The following HNF4G variants were observed in gnomAD, a reference collection of about 807,000 sequenced individuals.
The protein encoded by HNF4G is hepatocyte nuclear factor 4 gamma, also known as hepatocyte nuclear factor 4-gamma.
In HNF4G, 21 loss-of-function variants were observed where a neutral mutation model predicts 50.9. The ratio of observed to expected loss-of-function variants is 0.41; its 90% CI spans 0.29 to 0.59. The LOEUF (loss-of-function observed/expected upper bound fraction) is 0.59. Among genes scored for constraint, HNF4G ranks in the 20% least tolerant of loss-of-function variants. HNF4G has a pLI of 0.26. For missense variants in HNF4G, 527 were observed against 559.4 expected (o/e 0.94, Z 0.58); for synonymous variants, 198 against 185.6 (o/e 1.07, Z -0.54).
rs527954913 is a variant in HNF4G, at chr8:75,449,941, T to C, written c.-143-40148T>C. On this transcript the variant is annotated intron_variant, in intron 1 of 10. Coordinates refer to the HNF4G transcript ENST00000354370. ...ATTGTTACTAACTATAGCCCCCCGA[T>C]GTATGTATATTCTTCCTGTGTAACT... 4.6e-5 allele frequency among the ~76,000 whole-genome samples: 7 copies of C among 152,320 alleles called. No homozygotes were observed. The South Asian group carries it at 1.4e-3, about 32-fold the overall frequency.
At chr8:75,561,890 A>G (rs1239336736) in intron 9 of HNF4G, among the ~76,000 whole-genome samples, 1 of 152,140 alleles carries the variant, frequency 6.6e-6, no homozygotes, top group Non-Finnish European at 1.5e-5. Context: ...CTTTCATGCT[A>G]ATTCTATTTT....
chr8:75,453,810 A>C (rs1811648643), intron 1 of HNF4G, among the ~76,000 whole-genome samples: 1 of 152,174 alleles, frequency 6.6e-6, no homozygotes, highest in Admixed American at 6.5e-5. Flanking sequence ...TTGTAAAATA[A>C]CTAAAAATAA....
chr8:75,552,278 C>T (rs1291112541), intron 4 of HNF4G, among the ~76,000 whole-genome samples: 2 of 151,848 alleles, frequency 1.3e-5, no homozygotes, highest in Non-Finnish European at 2.9e-5. Flanking sequence ...GCTTGATGGG[C>T]AATAAAGCTT....
In HNF4G at chr8:75,486,668, G is replaced by C. The variant is rs576948187; in HGVS notation, c.-143-3421G>C. Among the ~76,000 whole-genome samples, 9 of 152,260 alleles carry C rather than the reference G, an allele frequency of 5.9e-5. No homozygotes were observed. The East Asian group carries it at 9.7e-4, about 16-fold the overall frequency. On this transcript the variant is annotated intron_variant, in intron 1 of 10. Coordinates refer to the HNF4G transcript ENST00000354370. ...CAAACAAAAATTTTCTATGCTGAAA[G>C]TTTATAGTTGATTTTGGAATTTCAC...
chr8:75,497,905 T>C (rs1248041228), intron 2 of HNF4G, among the ~76,000 whole-genome samples: 1 of 152,058 alleles, frequency 6.6e-6, no homozygotes, highest in African/African-American at 2.4e-5. Context: ...TACACAAAAT[T>C]AATTGGAATA....
chr8:75,451,108 A>G (rs1169082339), intron 1 of HNF4G, among the ~76,000 whole-genome samples: 1 of 151,656 alleles, frequency 6.6e-6, no homozygotes, highest in Non-Finnish European at 1.5e-5. Context: ...TTTTTCATAT[A>G]CTCCATTGGC....
intron 1 of HNF4G, among the ~76,000 whole-genome samples, chr8:75,472,616 T>C (rs565480819): frequency 6.6e-6 from 1 of 152,330 alleles, no homozygotes; most frequent in East Asian, 1.9e-4. Flanking sequence ...TCTTGAAAGA[T>C]GTTACAGTCT....
intron 1 of HNF4G, among the ~76,000 whole-genome samples, chr8:75,419,400 C>T (rs1226705249): frequency 6.6e-6 from 1 of 152,184 alleles, no homozygotes; most frequent in African/African-American, 2.4e-5. Context: ...CCAGAGGCTA[C>T]TAAACTGGGT....
rs114487759 is a variant in HNF4G at position 75,437,537 on chromosome 8, T to A, written c.-144+29375T>A. ...TCTAGGACAAAGGAAGAATGTTTTT[T>A]AAAATTTCCAGTCTTTTATAAAATG... On this transcript the variant is annotated intron_variant, in intron 1 of 10. Transcript: ENST00000354370. 7.4e-3 allele frequency among the ~76,000 whole-genome samples: 1,131 copies of A among 152,268 alleles called. 14 individuals carry two copies. The highest frequency in any genetic ancestry group is 0.026 in the African/African-American group (1,063 of 41,566).
chr8:75,526,193 A>C (rs1252448982), intron 2 of HNF4G, among the ~76,000 whole-genome samples: 2 of 151,714 alleles, frequency 1.3e-5, no homozygotes, highest in Non-Finnish European at 2.9e-5. Context: ...CAGTGATATG[A>C]TCATGGCTCA....
intron 2 of HNF4G, among the ~76,000 whole-genome samples, chr8:75,509,122 A>G (rs1484568621): frequency 6.6e-6 from 1 of 152,168 alleles, no homozygotes; most frequent in Non-Finnish European, 1.5e-5. Flanking sequence ...TGAGGTCTGT[A>G]AGGAGAGAAA....
At chr8:75,546,051 C>A (rs573742854) in intron 2 of HNF4G, among the ~76,000 whole-genome samples, 1 of 151,758 alleles carries the variant, frequency 6.6e-6, no homozygotes, top group Non-Finnish European at 1.5e-5. Flanking sequence ...AAGTGGACAC[C>A]GATAGTTTTT....
At chr8:75,507,261 CT>C (rs34235931) in intron 2 of HNF4G, among the ~76,000 whole-genome samples, 37,860 of 136,542 alleles carry the variant, frequency 0.28, 4,408 homozygotes, top group Middle Eastern at 0.43. Context: ...TTTTAAAATT[CT>C]TTTTTTTTTT....
At chr8:75,511,601 A>T (rs535930053) in intron 2 of HNF4G, among the ~76,000 whole-genome samples, 28 of 152,072 alleles carry the variant, frequency 1.8e-4, no homozygotes, top group African/African-American at 5.1e-4. Flanking sequence ...TTATTTATTT[A>T]TTTTTTTTGA....
chr8:75,548,281 G>A (rs1026497230), intron 3 of HNF4G, among the ~76,000 whole-genome samples: 4 of 152,062 alleles, frequency 2.6e-5, no homozygotes, highest in African/African-American at 9.7e-5. Context: ...CACCACACCT[G>A]ACACAAATGT....
chr8:75,484,647 C>G (rs1234400347), intron 1 of HNF4G, among the ~76,000 whole-genome samples: 1 of 152,220 alleles, frequency 6.6e-6, no homozygotes, highest in Non-Finnish European at 1.5e-5. Context: ...TAATTAATCA[C>G]CTTGTGGTAT....
intron 2 of HNF4G, among the ~76,000 whole-genome samples, chr8:75,533,019 G>T (rs1301241871): frequency 2.0e-5 from 3 of 151,840 alleles, no homozygotes; most frequent in African/African-American, 4.8e-5. Context: ...GCTCCATGAG[G>T]GCAGGGATTT....
At chr8:75,548,732 C>G (rs868681721) in intron 3 of HNF4G, among the ~76,000 whole-genome samples, 1 of 152,102 alleles carries the variant, frequency 6.6e-6, no homozygotes, top group Non-Finnish European at 1.5e-5. Context: ...TTTTTCACAA[C>G]TATTTCACAA....
chr8:75,498,847 T>A (rs892940487), intron 2 of HNF4G, among the ~76,000 whole-genome samples: 12 of 152,062 alleles, frequency 7.9e-5, no homozygotes, highest in African/African-American at 2.7e-4. Context: ...TACAACACAC[T>A]TTTAAGAAAC....
Sources: allele counts gnomAD v4.1 joint callset (sites outside exome capture counted in the v4.1 genomes callset), GRCh38; gene constraint gnomAD v4.1.1; transcripts MANE v1.5; gene names NCBI Gene and HGNC (gene_info 2026-07-23, HGNC 2026-07-21).